The following BMPR1B variants were observed in gnomAD, a reference collection of about 807,000 sequenced individuals.
BMPR1B encodes bone morphogenetic protein receptor type-1B.
BMPR1B carries 12 observed loss-of-function variants against 59.1 expected under a neutral mutation model. The ratio of observed to expected loss-of-function variants is 0.20; its 90% CI spans 0.13 to 0.33. BMPR1B has a LOEUF of 0.33. Ranked by LOEUF, BMPR1B falls within the 10% of genes least tolerant of loss-of-function variation. The pLI, the probability that BMPR1B is intolerant of heterozygous loss-of-function variation, is 1.00. For missense variants in BMPR1B, 550 were observed against 610.9 expected (o/e 0.90, Z 1.05); for synonymous variants, 237 against 207.3 (o/e 1.14, Z -1.23).
intron 1 of BMPR1B, among the ~76,000 whole-genome samples, chr4:94,833,699 T>A (rs1469465660): frequency 6.6e-6 from 1 of 152,224 alleles, no homozygotes; most frequent in Non-Finnish European, 1.5e-5. Context: ...GAAAGGATGA[T>A]AATACAACTG....
chr4:94,831,500 C>T (rs1724589340), intron 1 of BMPR1B, among the ~76,000 whole-genome samples: 1 of 152,146 alleles, frequency 6.6e-6, no homozygotes, highest in Non-Finnish European at 1.5e-5. Flanking sequence ...TAGGATTCCT[C>T]ATTCATGTAC....
intron 3 of BMPR1B, among the ~76,000 whole-genome samples, chr4:95,075,774 C>A (rs1728659533): frequency 6.6e-6 from 1 of 151,972 alleles, no homozygotes; most frequent in South Asian, 2.1e-4. Context: ...TCCATGTTTC[C>A]AAGTAGGCAC....
chr4:94,833,826 ATGAAC>A (rs371980760), intron 1 of BMPR1B, among the ~76,000 whole-genome samples: 155 of 152,308 alleles, frequency 1.0e-3, no homozygotes, highest in African/African-American at 3.4e-3. Context: ...TTAGGAGTGA[ATGAAC>A]TGATCTATGC....
Position 94,990,373 on chromosome 4 carries a change from A to G in BMPR1B, c.-112-5667A>G, listed in dbSNP as rs11945173. Among the ~76,000 whole-genome samples the G allele has an allele frequency of 2.1e-3, 317 of 152,300 alleles. 1 individual carries two copies. Among genetic ancestry groups the G allele is most frequent in the African/African-American group, 7.0e-3 (292 of 41,552 alleles). On this transcript the variant is annotated intron_variant, in intron 2 of 12. Transcript: ENST00000515059. Reference sequence around the variant, plus strand: ...CTGTCCGTCTCAAAAAAGAAAAAGAAAATATAAGTTGAAGCAAAAACTTGT... The same window carrying G: ...CTGTCCGTCTCAAAAAAGAAAAAGAGAATATAAGTTGAAGCAAAAACTTGT...
Position 95,067,899 on chromosome 4 carries a change from T to C in BMPR1B, c.-17-36509T>C, listed in dbSNP as rs573556016. Among the ~76,000 whole-genome samples the C allele has an allele frequency of 1.1e-4, 16 of 152,272 alleles. No individual in the cohort carries two copies. In the South Asian group the frequency reaches 1.9e-3, roughly 18 times the overall value. On this transcript the variant is annotated intron_variant, in intron 3 of 12. Transcript: ENST00000515059. ...GGGAACGGATAGGTGTGCATCTGACTTAAAGGGAGGTCTGAATCAAGTTGA... is the reference window on the plus strand; with the variant it reads ...GGGAACGGATAGGTGTGCATCTGACCTAAAGGGAGGTCTGAATCAAGTTGA...
intron 1 of BMPR1B, among the ~76,000 whole-genome samples, chr4:94,815,834 A>C (rs1402765631): frequency 6.6e-6 from 1 of 152,194 alleles, no homozygotes; most frequent in African/African-American, 2.4e-5. Context: ...TTGCTGTTAT[A>C]CCCAATTTTT....
intron 2 of BMPR1B, among the ~76,000 whole-genome samples, chr4:94,971,240 T>C (rs1730783183): frequency 6.6e-6 from 1 of 152,156 alleles, no homozygotes; most frequent in South Asian, 2.1e-4. Context: ...TGAGTTAAGT[T>C]TCACTTGAGT....
intron 3 of BMPR1B, among the ~76,000 whole-genome samples, chr4:95,006,598 A>G (rs946948710): frequency 2.0e-5 from 3 of 148,660 alleles, no homozygotes; most frequent in African/African-American, 7.5e-5. Flanking sequence ...CTGGAGTGCA[A>G]TGGTGCGATC....
At chr4:95,135,831 T>C (rs867280682) in intron 10 of BMPR1B, among the ~76,000 whole-genome samples, 2 of 152,296 alleles carry the variant, frequency 1.3e-5, no homozygotes, top group Middle Eastern at 3.4e-3. Context: ...AACTTCCTCT[T>C]TTCCTAATTG....
chr4:95,074,033 A>G (rs1728521101), intron 3 of BMPR1B, among the ~76,000 whole-genome samples: 1 of 152,166 alleles, frequency 6.6e-6, no homozygotes, highest in Admixed American at 6.6e-5. Context: ...GAGTTTGAGT[A>G]ATATAGACAT....
chr4:94,964,123 G>T (rs1462615966), intron 2 of BMPR1B, among the ~76,000 whole-genome samples: 1 of 151,948 alleles, frequency 6.6e-6, no homozygotes, highest in African/African-American at 2.4e-5. Context: ...TTCTTTTTTA[G>T]ATTGTTAGCT....
intron 1 of BMPR1B, among the ~76,000 whole-genome samples, chr4:94,824,641 GAA>G (rs1276962263): frequency 6.6e-6 from 1 of 152,094 alleles, no homozygotes; most frequent in East Asian, 1.9e-4. Context: ...TTGTCTGAGA[GAA>G]TGAAAACATT....
intron 2 of BMPR1B, among the ~76,000 whole-genome samples, chr4:94,961,068 C>T (rs573611455): frequency 5.0e-4 from 76 of 152,164 alleles, no homozygotes; most frequent in African/African-American, 1.8e-3. Context: ...TGTCTGTTAT[C>T]TGTGGATTTT....
At chr4:94,760,569 AC>A (rs1170671836) in intron 1 of BMPR1B, among the ~76,000 whole-genome samples, 1 of 152,186 alleles carries the variant, frequency 6.6e-6, no homozygotes, top group African/African-American at 2.4e-5. Flanking sequence ...GTCAGTTGTC[AC>A]CTACTCCAAC....
intron 2 of BMPR1B, among the ~76,000 whole-genome samples, chr4:94,924,673 A>G (rs1199362270): frequency 6.6e-6 from 1 of 152,148 alleles, no homozygotes; most frequent in Non-Finnish European, 1.5e-5. Context: ...AGCTGACTTC[A>G]CATCATGTGT....
chr4:94,901,093 C>T (rs1295066209), intron 2 of BMPR1B, among the ~76,000 whole-genome samples: 2 of 151,876 alleles, frequency 1.3e-5, no homozygotes, highest in South Asian at 4.1e-4. Flanking sequence ...GGTAGGGGCC[C>T]TCAGCTCATA....
intron 10 of BMPR1B, among the ~76,000 whole-genome samples, chr4:95,139,724 C>A (rs1172700888): frequency 6.6e-6 from 1 of 151,620 alleles, no homozygotes; most frequent in African/African-American, 2.4e-5. Context: ...GGGCGTGGGA[C>A]CCTCGGAGCC....
chr4:95,148,686 C>T, intron 10 of BMPR1B, 62 bp from the exon 11 acceptor site: 2 of 1,534,284 alleles, frequency 1.3e-6, no homozygotes, highest in Non-Finnish European at 1.8e-6. Flanking sequence ...TTCAGAATCA[C>T]CTTGATTCGT....
chr4:94,931,724 G>T (rs1168969232), intron 2 of BMPR1B, among the ~76,000 whole-genome samples: 1 of 152,046 alleles, frequency 6.6e-6, no homozygotes, highest in Non-Finnish European at 1.5e-5. Flanking sequence ...CTGTCTTCAC[G>T]TGTCACCTAC....
Sources: allele counts gnomAD v4.1 joint callset (sites outside exome capture counted in the v4.1 genomes callset), GRCh38; gene constraint gnomAD v4.1.1; transcripts MANE v1.5; gene names NCBI Gene and HGNC (gene_info 2026-07-23, HGNC 2026-07-21).